Variants in AHSA1 observed in about 807,000 individuals in gnomAD.
AHSA1 encodes the protein activator of 90 kDa heat shock protein ATPase homolog 1.
Under a neutral mutation model 46.1 loss-of-function variants are expected in AHSA1, and 14 were observed. The observed-to-expected ratio is 0.30, with a 90% confidence interval of 0.20 to 0.47. The LOEUF (loss-of-function observed/expected upper bound fraction) is 0.47, where lower values mean the gene tolerates loss of function less well. Ranked by LOEUF, AHSA1 falls within the 20% of genes least tolerant of loss-of-function variation. The pLI, the probability that AHSA1 is intolerant of heterozygous loss-of-function variation, is 0.99. For missense variants in AHSA1, 333 were observed against 415.9 expected (o/e 0.80, Z 1.73); for synonymous variants, 147 against 145.8 (o/e 1.01, Z -0.06).
Position 77,469,357 on chromosome 14 carries a change from G to A in AHSA1, c.*108G>A, listed in dbSNP as rs535837577. The A allele has an allele frequency of 2.8e-5, 39 of 1,405,534 alleles. No homozygotes were observed. The East Asian group carries it at 4.0e-4, about 14-fold the overall frequency. 87.1% of individuals were successfully genotyped at this position (1,405,534 alleles called of 1,614,324 possible). A position where few individuals can be genotyped will look rare whatever the true frequency, so the allele number is the denominator to read the frequency against. ...TCGTCCCAGCTGCTAACTTGGGGCC[G>A]GGGCCCCTCCCTTCCACATATACCT... On this transcript the variant is annotated 3_prime_UTR_variant, in exon 9 of 9. Coordinates refer to ENST00000216479, the MANE Select transcript of AHSA1 (RefSeq NM_012111.3).
chr14:77,458,295 C>T lies in AHSA1; in HGVS notation c.80+26C>T, dbSNP rs773468814. 6 of 1,539,232 alleles carry T rather than the reference C, an allele frequency of 3.9e-6. No homozygotes were observed. In the South Asian group the frequency reaches 6.0e-5, roughly 15 times the overall value. ...GTGAGGGCCAGAAAAGCAGGCCGGC[C>T]TTGGGAGACCTGCGGCCGGGCCAGG... On this transcript the variant is annotated intron_variant, in intron 1 of 8. Coordinates refer to ENST00000216479, the MANE Select transcript of AHSA1 (RefSeq NM_012111.3).
chr14:77,461,006 A>G (rs1000084027), intron 2 of AHSA1, among the ~76,000 whole-genome samples: 7 of 151,620 alleles, frequency 4.6e-5, no homozygotes, highest in African/African-American at 7.3e-5. Context: ...AAAAATACAA[A>G]AAATTAGCCC....
intron 4 of AHSA1, among the ~76,000 whole-genome samples, chr14:77,463,914 GT>G (rs1303498071): frequency 1.3e-5 from 2 of 152,252 alleles, no homozygotes; most frequent in Admixed American, 6.5e-5. Flanking sequence ...TTCTGCAGAG[GT>G]AAGGCAGAGT....
chr14:77,463,911 G>A (rs1233138985), intron 4 of AHSA1, among the ~76,000 whole-genome samples: 1 of 152,258 alleles, frequency 6.6e-6, no homozygotes, highest in Non-Finnish European at 1.5e-5. Context: ...CTTTTCTGCA[G>A]AGGTAAGGCA....
At chr14:77,462,523 C>T (rs537301219) in intron 3 of AHSA1, 119 bp from the exon 4 acceptor site, 24 of 942,486 alleles carry the variant, frequency 2.5e-5, no homozygotes, top group Middle Eastern at 2.5e-4. Flanking sequence ...GTACGAATAC[C>T]GCAGTACTCA....
At chr14:77,467,820 C>T (rs2079054159) in intron 6 of AHSA1, among the ~76,000 whole-genome samples, 2 of 152,226 alleles carry the variant, frequency 1.3e-5, no homozygotes, top group Non-Finnish European at 2.9e-5. Context: ...ATTCTTATAT[C>T]TTTCTGAACC....
intron 7 of AHSA1, 108 bp from the exon 8 acceptor site, chr14:77,468,349 T>A: frequency 8.2e-7 from 1 of 1,221,240 alleles, no homozygotes; most frequent in African/African-American, 1.5e-5. Context: ...TTGCAAGTAA[T>A]ATAATTGCAC....
chr14:77,468,334 C>A, intron 7 of AHSA1, 123 bp from the exon 8 acceptor site: 2 of 1,182,490 alleles, frequency 1.7e-6, no homozygotes, highest in Non-Finnish European at 2.4e-6. Context: ...GTGATTTGAA[C>A]TGTCTTGCAA....
intron 6 of AHSA1, among the ~76,000 whole-genome samples, chr14:77,467,525 C>T (rs570475238): frequency 6.6e-6 from 1 of 151,456 alleles, no homozygotes; most frequent in Middle Eastern, 3.5e-3. Context: ...AACCCCATCT[C>T]TACTAAAAAA....
chr14:77,461,381 T>A (rs1161098009), intron 2 of AHSA1, among the ~76,000 whole-genome samples: 2 of 151,940 alleles, frequency 1.3e-5, no homozygotes, highest in Admixed American at 1.3e-4. Flanking sequence ...AATACAAAAA[T>A]TAGCCGTGTG....
intron 8 of AHSA1, chr14:77,468,755 C>CTTTTTTTTTTTTTTTT (rs770728219): frequency 6.4e-5 from 20 of 313,404 alleles, no homozygotes; most frequent in African/African-American, 3.9e-4. Flanking sequence ...TACTTTTTTA[C>CTTTTTTTTTTTTTTTT]TTTTTTTGTA....
At chr14:77,465,219 T>C (rs960407360) in intron 5 of AHSA1, among the ~76,000 whole-genome samples, 5 of 152,200 alleles carry the variant, frequency 3.3e-5, no homozygotes, top group African/African-American at 1.2e-4. Flanking sequence ...AGAAAACCGC[T>C]TCCAGCTATT....
upstream of AHSA1, chr14:77,458,073 A>C (rs1463517645): frequency 1.2e-6 from 1 of 827,114 alleles, no homozygotes; most frequent in East Asian, 3.3e-5. Flanking sequence ...GCAAGCCAGG[A>C]GGTGCTTGCG....
chr14:77,462,035 T>G, intron 2 of AHSA1, 125 bp from the exon 3 acceptor site: 1 of 650,524 alleles, frequency 1.5e-6, no homozygotes, highest in Non-Finnish European at 2.7e-6. Context: ...CATGTGGCAT[T>G]CTCAGAATAA....
chr14:77,464,510 G>A, intron 4 of AHSA1, 88 bp from the exon 5 acceptor site: 1 of 1,123,318 alleles, frequency 8.9e-7, no homozygotes, highest in South Asian at 1.4e-5. Context: ...TTCTGTGGTA[G>A]GATGGCTGTG....
chr14:77,459,546 G>A (rs1424818114), intron 1 of AHSA1, 70 bp from the exon 2 acceptor site: 7 of 1,514,668 alleles, frequency 4.6e-6, no homozygotes, highest in Non-Finnish European at 6.4e-6. Flanking sequence ...CTTTAACCTC[G>A]TATTCTCTTG....
At chr14:77,467,623 G>A (rs181260051) in intron 6 of AHSA1, among the ~76,000 whole-genome samples, 10 of 152,270 alleles carry the variant, frequency 6.6e-5, no homozygotes, top group East Asian at 3.9e-4. Context: ...AAACCTGGAC[G>A]GGCGGAGGTT....
chr14:77,459,739 A>T lies in AHSA1; in HGVS notation c.204A>T (p.Ala68=), dbSNP rs1269345827. ...VTEVSKLDGE[A]SINNRKGKLI... ...AAGTGAGTAAGCTTGATGGAGAGGC[A>T]TCCATTAACAATCGCAAAGGGAAAC... The change falls in exon 2 of 9, where the codon GCA becomes GCT. Residue 68 remains alanine (A), a synonymous_variant. Coordinates refer to ENST00000216479, the MANE Select transcript of AHSA1 (RefSeq NM_012111.3). 4 of 1,614,126 alleles carry T rather than the reference A, an allele frequency of 2.5e-6. No individual in the cohort carries two copies. The African/African-American group carries it at 5.3e-5, about 22-fold the overall frequency.
intron 1 of AHSA1, 120 bp downstream of exon 1, chr14:77,458,389 GT>G: frequency 1.9e-6 from 2 of 1,041,698 alleles, no homozygotes; most frequent in Non-Finnish European, 2.7e-6. Flanking sequence ...GGAGATGGGG[GT>G]GGGTCCTTCC....
Sources: allele counts gnomAD v4.1 joint callset (sites outside exome capture counted in the v4.1 genomes callset), GRCh38; gene constraint gnomAD v4.1.1; transcripts MANE v1.5; gene names NCBI Gene and HGNC (gene_info 2026-07-23, HGNC 2026-07-21).